The following DDX55 variants were observed in gnomAD, a reference collection of about 807,000 sequenced individuals.
The protein encoded by DDX55 is ATP-dependent RNA helicase DDX55.
A neutral mutation model predicts 69.2 loss-of-function variants in DDX55; 56 were observed. The observed-to-expected ratio is 0.81, with a 90% CI of 0.65 to 1.01. The LOEUF (loss-of-function observed/expected upper bound fraction) is 1.01, where lower values mean the gene tolerates loss of function less well. Among genes scored for constraint, DDX55 ranks in the 50% least tolerant of loss-of-function variants. The probability of loss-of-function intolerance (pLI) is 0.00; values close to 1 mark genes in which losing one functional copy is unlikely to be tolerated. For missense variants in DDX55, 720 were observed against 745.1 expected (o/e 0.97, Z 0.39); for synonymous variants, 268 against 273.1 (o/e 0.98, Z 0.18).
chr12:123,616,778 T>G, intron 10 of DDX55, 175 bp downstream of exon 10: 1 of 686,316 alleles, frequency 1.5e-6, no homozygotes, highest in South Asian at 1.7e-5. Context: ...AGAACAGTTT[T>G]GAAATGGTTT....
chr12:123,611,913 C>T (rs777724586), intron 7 of DDX55, among the ~76,000 whole-genome samples: 6 of 152,272 alleles, frequency 3.9e-5, no homozygotes, highest in Non-Finnish European at 4.4e-5. Context: ...CAGATTTAAC[C>T]GATGAACTTA....
chr12:123,605,858 T>C (rs1413081009), intron 1 of DDX55, 73 bp from the exon 2 acceptor site: 1 of 1,603,866 alleles, frequency 6.2e-7, no homozygotes, highest in Non-Finnish European at 8.5e-7. Flanking sequence ...GCCCATTATG[T>C]TCCTAGGGCT....
chr12:123,605,777 G>T (rs931316669), intron 1 of DDX55, 154 bp from the exon 2 acceptor site: 4 of 1,011,254 alleles, frequency 4.0e-6, no homozygotes, highest in Non-Finnish European at 6.2e-6. Flanking sequence ...TGCCACGTTT[G>T]ATTCAACTTC....
chr12:123,608,942 TTTTA>T (rs1219150448), intron 6 of DDX55, 113 bp downstream of exon 6: 1 of 1,017,090 alleles, frequency 9.8e-7, no homozygotes, highest in Non-Finnish European at 1.3e-6. Flanking sequence ...TTATTTTCAT[TTTTA>T]TTTATTTTTT....
intron 7 of DDX55, among the ~76,000 whole-genome samples, chr12:123,612,272 G>GTAC (rs1385955745): frequency 1.5e-4 from 23 of 152,284 alleles, no homozygotes. Flanking sequence ...AGGGATACTT[G>GTAC]TACTACTGTT....
At chr12:123,618,873 C>G (rs769538570) in intron 12 of DDX55, 36 bp downstream of exon 12, 3 of 1,606,744 alleles carry the variant, frequency 1.9e-6, no homozygotes, top group Admixed American at 3.4e-5. Flanking sequence ...ATGTCTCCAT[C>G]TTAACTATGT....
chr12:123,610,889 C>G (rs1479339678), intron 7 of DDX55, among the ~76,000 whole-genome samples: 1 of 133,076 alleles, frequency 7.5e-6, no homozygotes, highest in African/African-American at 3.4e-5. Flanking sequence ...CGCGCCCGGC[C>G]GTTTTTTTTT....
At chr12:123,606,046 A>G (rs1371332288) in intron 2 of DDX55, 27 bp from the exon 3 acceptor site, 1 of 1,517,792 alleles carries the variant, frequency 6.6e-7, no homozygotes, top group Admixed American at 2.0e-5. Flanking sequence ...TGAGGAAGAA[A>G]GGGAAACCAA....
At position 123,618,685 on chromosome 12, in the gene DDX55, T is replaced by G. The variant is rs1383669548; in HGVS notation, c.1181T>G (p.Met394Arg). ...AINQKCPLQE[M>R]KPQRNTADLL... ...TGTGTGTAGTGCCCCCTGCAGGAGATGAAGCCCCAGAGAAACACAGCGGAC... is the reference window on the plus strand; with the variant it reads ...TGTGTGTAGTGCCCCCTGCAGGAGAGGAAGCCCCAGAGAAACACAGCGGAC... Residue 394 changes from methionine (M) to arginine (R), a missense_variant, in exon 12 of 14, where the codon ATG becomes AGG. Physicochemically the swap from Met to Arg is moderately conservative, Grantham distance 91. Transcript: ENST00000238146. 6.2e-7 allele frequency: 1 copy of G among 1,614,032 alleles called. No individual in the cohort carries two copies.
chr12:123,613,338 C>G (rs571473029), intron 8 of DDX55, 86 bp downstream of exon 8: 2 of 1,324,066 alleles, frequency 1.5e-6, no homozygotes, highest in South Asian at 1.3e-5. Flanking sequence ...TGGATTCCAT[C>G]TAGCATGGTT....
At chr12:123,602,965 G>A (rs1258350902) in intron 1 of DDX55, among the ~76,000 whole-genome samples, 1 of 152,180 alleles carries the variant, frequency 6.6e-6, no homozygotes, top group East Asian at 1.9e-4. Context: ...AGGTGACTAG[G>A]GGGAGATTAT....
Position 123,617,743 on chromosome 12 carries a change from CCT to C in DDX55, c.1050-14_1050-13del, listed in dbSNP as rs753661632. 5.0e-6 allele frequency: 8 copies of C among 1,603,104 alleles called. No homozygotes were observed. Among genetic ancestry groups the C allele is most frequent in the Middle Eastern group, 2.1e-4 (1 of 4,786 alleles). On this transcript the variant is annotated splice_polypyrimidine_tract_variant and intron_variant, in intron 10 of 13. Transcript: ENST00000238146. Reference sequence around the variant, plus strand: ...TCATCACCTGGGTACCCATTTCCACCCTGTGTTCTCACAGTGCCTTCGTGCAT... The same window carrying C: ...TCATCACCTGGGTACCCATTTCCACCGTGTTCTCACAGTGCCTTCGTGCAT...
chr12:123,605,310 A>G (rs1409428736), intron 1 of DDX55: 1 of 163,426 alleles, frequency 6.1e-6, no homozygotes, highest in East Asian at 1.7e-4. Flanking sequence ...GATGTGAGCC[A>G]CCACGCCTGG....
In DDX55 at chr12:123,620,579, ATTATATAT is replaced by A. The variant is rs1955054634; in HGVS notation, c.*440_*447del. 1.4e-5 allele frequency: 1 copy of A among 70,942 alleles called. No individual in the cohort carries two copies. Among genetic ancestry groups the A allele is most frequent in the African/African-American group, 5.1e-5 (1 of 19,616 alleles). 4.4% of individuals were successfully genotyped at this position (70,942 alleles called of 1,614,324 possible). ...GGGTCACATATAGACATATGTACAT[ATTATATAT>A]ATATATATATATATATATATATATA... On this transcript the variant is annotated 3_prime_UTR_variant, in exon 14 of 14. Transcript: ENST00000238146.
In DDX55 at chr12:123,608,832, A is replaced by G. The variant is rs1954040124; in HGVS notation, c.551+3A>G. On this transcript the variant is annotated splice_donor_region_variant and intron_variant, in intron 6 of 13. Coordinates refer to ENST00000238146, the MANE Select transcript of DDX55 (RefSeq NM_020936.3). ...CTGGACATGGGGTTTGAGGCAAGGT[A>G]CTGGACTTTGGACTTCACTGGCTTG... 6.2e-7 allele frequency: 1 copy of G among 1,612,562 alleles called. No homozygotes were observed. Among genetic ancestry groups the G allele is most frequent in the African/African-American group, 1.3e-5 (1 of 74,922 alleles).
intron 1 of DDX55, among the ~76,000 whole-genome samples, chr12:123,603,110 G>C (rs1177732038): frequency 6.6e-6 from 1 of 152,216 alleles, no homozygotes; most frequent in African/African-American, 2.4e-5. Context: ...TCTTGTAGGC[G>C]CTTGGATTTC....
In DDX55 at chr12:123,616,514, G is replaced by A. The variant is rs554226157; in HGVS notation, c.960G>A (p.Gly320=). ...ATGCTTTTTTCTCATTTCCTAGTGG[G>A]ATTTTAGTGTGCACTGATGTGATGG... ...IFMEFRKLQS[G]ILVCTDVMAR... is the part of the protein sequence containing the mutation. The change falls in exon 10 of 14, where the codon GGG becomes GGA. Residue 320 remains glycine (G), a synonymous_variant. Coordinates refer to ENST00000238146, the MANE Select transcript of DDX55 (RefSeq NM_020936.3). 7.4e-6 allele frequency: 12 copies of A among 1,613,928 alleles called. No individual in the cohort carries two copies. The highest frequency in any genetic ancestry group is 1.0e-5 in the Non-Finnish European group (12 of 1,179,982).
In DDX55 at chr12:123,619,516, A is replaced by T. The variant is rs367774179; in HGVS notation, c.1418A>T (p.Asp473Val). The change falls in exon 13 of 14, where the codon GAT becomes GTT. Residue 473 changes from aspartate (D) to valine (V), a missense_variant. Transcript: ENST00000238146. ...MPELRGKQFP[D>V]FVPVDVNTDT... ...GAATTGAGAGGAAAGCAGTTTCCAGATTTTGTGCCCGTGGACGTTAATACC... is the reference window on the plus strand; with the variant it reads ...GAATTGAGAGGAAAGCAGTTTCCAGTTTTTGTGCCCGTGGACGTTAATACC... The T allele has an allele frequency of 1.1e-5, 17 of 1,613,924 alleles. No homozygotes were observed. The Middle Eastern group carries it at 4.9e-4, about 47-fold the overall frequency.
At position 123,620,594 on chromosome 12, in the gene DDX55, A is replaced by T. The variant is rs1319735412; in HGVS notation, c.*454A>T. 1 of 67,636 alleles carries T rather than the reference A, an allele frequency of 1.5e-5. No individual in the cohort carries two copies. Among genetic ancestry groups the T allele is most frequent in the Non-Finnish European group, 3.6e-5 (1 of 27,668 alleles). 4.2% of individuals were successfully genotyped at this position (67,636 alleles called of 1,614,324 possible). Reference sequence around the variant, plus strand: ...ATATGTACATATTATATATATATATATATATATATATATATATATATATAT... The same window carrying T: ...ATATGTACATATTATATATATATATTTATATATATATATATATATATATAT... On this transcript the variant is annotated 3_prime_UTR_variant, in exon 14 of 14. Transcript: ENST00000238146.
Sources: gnomAD v4.1 joint callset for allele counts (sites outside exome capture counted in the v4.1 genomes callset) on GRCh38, gnomAD v4.1.1 for gene constraint, MANE v1.5 for transcripts, NCBI Gene and HGNC (gene_info 2026-07-23, HGNC 2026-07-21) for gene names.